SCFD2: variants seen among roughly 807,000 people sequenced by gnomAD.
The protein encoded by SCFD2 is sec1 family domain-containing protein 2.
Under a neutral mutation model 58.9 loss-of-function variants are expected in SCFD2, and 54 were observed. The ratio of observed to expected loss-of-function variants is 0.92; its 90% confidence interval spans 0.74 to 1.15. The LOEUF (loss-of-function observed/expected upper bound fraction) is 1.15. Ranked by LOEUF, SCFD2 falls within the 50% of genes most tolerant of loss-of-function variation. SCFD2 has a pLI of 0.00. For synonymous variants in SCFD2, 321 were observed against 335.9 expected (o/e 0.96, Z 0.49); for missense variants, 805 against 836.6 (o/e 0.96, Z 0.47).
chr4:52,886,984 C>T (rs369812867), intron 7 of SCFD2, among the ~76,000 whole-genome samples: 1 of 152,260 alleles, frequency 6.6e-6, no homozygotes, highest in Non-Finnish European at 1.5e-5. Context: ...TGTGGCTACT[C>T]TATTTGTTTG....
intron 5 of SCFD2, among the ~76,000 whole-genome samples, chr4:52,969,659 G>A (rs963900314): frequency 1.2e-4 from 19 of 152,192 alleles, no homozygotes; most frequent in South Asian, 2.1e-4. Flanking sequence ...AGTGATTGTG[G>A]AAGTGTGTGT....
intron 5 of SCFD2, among the ~76,000 whole-genome samples, chr4:53,105,102 C>G (rs1163379791): frequency 6.6e-6 from 1 of 152,086 alleles, no homozygotes; most frequent in Non-Finnish European, 1.5e-5. Context: ...ACTCCCTCCT[C>G]TAGCCAAGGA....
chr4:53,207,489 T>TAATATATATACACACACACATA (rs1728444613), intron 4 of SCFD2, among the ~76,000 whole-genome samples: 1 of 11,680 alleles, frequency 8.6e-5, no homozygotes, highest in Non-Finnish European at 1.4e-4. Context: ...ATTATATATA[T>TAATATATATACACACACACATA]ATTTCATATA....
chr4:52,887,896 CTTTTT>C (rs71195133), intron 7 of SCFD2, among the ~76,000 whole-genome samples: 19 of 81,646 alleles, frequency 2.3e-4, no homozygotes, highest in South Asian at 4.7e-4. Flanking sequence ...ACATCTTATT[CTTTTT>C]TTTTTTTTTT....
At chr4:53,321,787 T>C (rs966672322) in intron 2 of SCFD2, among the ~76,000 whole-genome samples, 23 of 152,236 alleles carry the variant, frequency 1.5e-4, no homozygotes, top group African/African-American at 5.3e-4. Flanking sequence ...AATCTTCATC[T>C]CAATAGAAGC....
chr4:53,297,428 G>A (rs1473980981), intron 3 of SCFD2, among the ~76,000 whole-genome samples: 1 of 151,162 alleles, frequency 6.6e-6, no homozygotes, highest in East Asian at 1.9e-4. Context: ...CTTAGTTTAA[G>A]GTCTCTTTGT....
intron 4 of SCFD2, among the ~76,000 whole-genome samples, chr4:53,192,665 C>G (rs1727949130): frequency 6.6e-6 from 1 of 152,174 alleles, no homozygotes; most frequent in Non-Finnish European, 1.5e-5. Flanking sequence ...CTCATCCTCT[C>G]TTATCTACAA....
chr4:53,047,132 C>T (rs1347048465), intron 5 of SCFD2, among the ~76,000 whole-genome samples: 2 of 152,206 alleles, frequency 1.3e-5, no homozygotes, highest in African/African-American at 4.8e-5. Context: ...TCCTGCTCCC[C>T]TGCCATTCTC....
chr4:53,120,855 G>A lies in SCFD2; in HGVS notation c.1561+24478C>T, dbSNP rs1283361678. Reference sequence around the variant, plus strand: ...TATTTTATGGAAATGAAAAAAAATTGCTAGCTGTCATCCAAACTCTTTGTG... The same window carrying A: ...TATTTTATGGAAATGAAAAAAAATTACTAGCTGTCATCCAAACTCTTTGTG... On this transcript the variant is annotated intron_variant, in intron 5 of 8. Transcript: ENST00000401642. Among the ~76,000 whole-genome samples the A allele has an allele frequency of 2.0e-5, 3 of 152,238 alleles. No individual in the cohort carries two copies. The East Asian group carries it at 5.8e-4, about 29-fold the overall frequency.
intron 5 of SCFD2, among the ~76,000 whole-genome samples, chr4:53,138,247 A>T (rs562196108): frequency 6.6e-6 from 1 of 152,304 alleles, no homozygotes; most frequent in African/African-American, 2.4e-5. Context: ...TCAAGGTTCA[A>T]GGATGGATGA....
chr4:53,345,037 G>A (rs1419300331), intron 2 of SCFD2, among the ~76,000 whole-genome samples: 5 of 152,106 alleles, frequency 3.3e-5, no homozygotes, highest in Non-Finnish European at 7.4e-5. Flanking sequence ...ACATAGGCAT[G>A]GGCAAAGACT....
At chr4:52,876,374 C>G (rs1272595184) in intron 8 of SCFD2, among the ~76,000 whole-genome samples, 7 of 152,154 alleles carry the variant, frequency 4.6e-5, no homozygotes, top group African/African-American at 1.4e-4. Flanking sequence ...TAGAAAAATA[C>G]ACAGACATTC....
intron 3 of SCFD2, among the ~76,000 whole-genome samples, chr4:53,282,788 A>G (rs1275045990): frequency 6.6e-6 from 1 of 152,202 alleles, no homozygotes; most frequent in Non-Finnish European, 1.5e-5. Context: ...TGTTTTTTTA[A>G]TATAGTAAAA....
intron 5 of SCFD2, among the ~76,000 whole-genome samples, chr4:53,018,581 C>G (rs1332261159): frequency 6.6e-6 from 1 of 152,126 alleles, no homozygotes; most frequent in Non-Finnish European, 1.5e-5. Context: ...TCAATCAATT[C>G]TATGTCAGCA....
At chr4:53,184,307 A>G (rs1338008525) in intron 4 of SCFD2, among the ~76,000 whole-genome samples, 2 of 152,114 alleles carry the variant, frequency 1.3e-5, no homozygotes. Flanking sequence ...TGGGAGATGT[A>G]GTGAAATTAC....
chr4:52,912,932 G>A (rs1719519787), intron 6 of SCFD2, among the ~76,000 whole-genome samples: 1 of 152,140 alleles, frequency 6.6e-6, no homozygotes, highest in Non-Finnish European at 1.5e-5. Flanking sequence ...TGCTAGGAAG[G>A]GCCAGAGGAG....
intron 5 of SCFD2, among the ~76,000 whole-genome samples, chr4:52,931,382 G>A (rs1392461452): frequency 1.3e-5 from 2 of 151,940 alleles, no homozygotes; most frequent in African/African-American, 4.9e-5. Context: ...ACACTATGAC[G>A]TTATTACCAA....
At chr4:53,326,299 C>T (rs555954718) in intron 2 of SCFD2, among the ~76,000 whole-genome samples, 1 of 152,102 alleles carries the variant, frequency 6.6e-6, no homozygotes, top group African/African-American at 2.4e-5. Context: ...CATGCCCCCA[C>T]ACCTAGCTAA....
chr4:53,229,858 T>G (rs1300667267), intron 4 of SCFD2, among the ~76,000 whole-genome samples: 1 of 152,124 alleles, frequency 6.6e-6, no homozygotes, highest in Non-Finnish European at 1.5e-5. Context: ...GAGAAAATTT[T>G]TGCAACCTAT....
Sources: gnomAD v4.1 joint callset for allele counts (sites outside exome capture counted in the v4.1 genomes callset) on GRCh38, gnomAD v4.1.1 for gene constraint, MANE v1.5 for transcripts, NCBI Gene and HGNC (gene_info 2026-07-23, HGNC 2026-07-21) for gene names.